WDR27: variants seen among roughly 807,000 people sequenced by gnomAD.
WDR27 encodes WD repeat-containing protein 27.
In WDR27, 100 loss-of-function variants were observed where a neutral mutation model predicts 114.4. The ratio of observed to expected loss-of-function variants is 0.87; its 90% CI spans 0.74 to 1.03. WDR27 has a LOEUF of 1.03. WDR27 is among the 50% of genes least tolerant of loss of function. The pLI is 0.00. For missense variants in WDR27, 1,129 were observed against 1,092.9 expected (o/e 1.03, Z -0.47); for synonymous variants, 449 against 423.1 (o/e 1.06, Z -0.75).
intron 25 of WDR27, among the ~76,000 whole-genome samples, chr6:169,498,426 G>A (rs1202648188): frequency 6.6e-6 from 1 of 152,128 alleles, no homozygotes; most frequent in Admixed American, 6.6e-5. Context: ...CTTAAAAATG[G>A]TTAGGTTGGC....
intron 25 of WDR27, among the ~76,000 whole-genome samples, chr6:169,474,685 A>G (rs890732233): frequency 6.6e-6 from 1 of 152,200 alleles, no homozygotes; most frequent in Non-Finnish European, 1.5e-5. Flanking sequence ...AATTAAAAAA[A>G]AACAGTGAGA....
At chr6:169,665,406 C>G (rs903852713) in intron 7 of WDR27, 80 bp downstream of exon 7, 1 of 1,528,720 alleles carries the variant, frequency 6.5e-7, no homozygotes. Flanking sequence ...TACAAAGTAG[C>G]ATGAAGACAA....
At chr6:169,609,403 T>C (rs1184753340) in intron 22 of WDR27, among the ~76,000 whole-genome samples, 1 of 152,210 alleles carries the variant, frequency 6.6e-6, no homozygotes, top group Non-Finnish European at 1.5e-5. Flanking sequence ...ATACATCTCC[T>C]GAAATCTAGG....
At chr6:169,618,627 C>A (rs374333284) in intron 21 of WDR27, among the ~76,000 whole-genome samples, 2,094 of 91,986 alleles carry the variant, frequency 0.023, no homozygotes, top group Middle Eastern at 0.061. Flanking sequence ...TGGATGACTG[C>A]AAAAAAAAAA....
intron 3 of WDR27, 119 bp from the exon 4 acceptor site, chr6:169,670,812 G>A: frequency 7.5e-7 from 1 of 1,327,974 alleles, no homozygotes; most frequent in Non-Finnish European, 1.0e-6. Flanking sequence ...ATGACAATGA[G>A]CTTTGATGTG....
At chr6:169,685,264 C>CA (rs1198141840) in intron 2 of WDR27, among the ~76,000 whole-genome samples, 3 of 137,052 alleles carry the variant, frequency 2.2e-5, no homozygotes, top group African/African-American at 8.8e-5. Flanking sequence ...CCATGAAAAT[C>CA]AAAGAAAAAA....
At chr6:169,471,370 AG>A (rs1481861752) in intron 25 of WDR27, among the ~76,000 whole-genome samples, 1 of 152,140 alleles carries the variant, frequency 6.6e-6, no homozygotes, top group Non-Finnish European at 1.5e-5. Flanking sequence ...GAATTGGGAA[AG>A]CTTCGTTTCA....
chr6:169,616,788 T>G (rs1220601242), intron 21 of WDR27, among the ~76,000 whole-genome samples: 1 of 151,770 alleles, frequency 6.6e-6, no homozygotes, highest in Non-Finnish European at 1.5e-5. Context: ...ATATGGAGAG[T>G]GCATGCTCTG....
chr6:169,607,421 CACATATAAT>C (rs111861809), intron 22 of WDR27, among the ~76,000 whole-genome samples: 1,127 of 42,260 alleles, frequency 0.027, 6 homozygotes, highest in South Asian at 0.049. Flanking sequence ...CACACACACA[CACATATAAT>C]ATAATATTAT....
intron 25 of WDR27, among the ~76,000 whole-genome samples, chr6:169,478,399 G>A (rs570676244): frequency 5.3e-4 from 81 of 152,144 alleles, no homozygotes; most frequent in Admixed American, 9.8e-4. Flanking sequence ...AATAAAATAC[G>A]ATTTTTGCAT....
intron 1 of WDR27, chr6:169,689,290 C>T (rs1447561742): frequency 1.9e-5 from 5 of 266,370 alleles, no homozygotes; most frequent in Non-Finnish European, 3.6e-5. Flanking sequence ...GCTTAGGCTT[C>T]CTCGATCAGC....
In WDR27 at chr6:169,701,842, G is replaced by C. The variant is rs1023118935; in HGVS notation, c.-299C>G. 27 of 315,800 alleles carry C rather than the reference G, an allele frequency of 8.5e-5. No individual in the cohort carries two copies. Among genetic ancestry groups the C allele is most frequent in the African/African-American group, 5.6e-4 (24 of 43,192 alleles). 19.6% of individuals were successfully genotyped at this position (315,800 alleles called of 1,614,324 possible). On this transcript the variant is annotated 5_prime_UTR_variant, in exon 1 of 26. Coordinates refer to ENST00000448612, the MANE Select transcript of WDR27 (RefSeq NM_182552.5). ...CGCAGCCCCCGCGCTCCAGCCCTGC[G>C]CCCTAGGCACACGCCCCAGAGCAGC...
chr6:169,429,644 A>G, the WDR27 span, among the ~76,000 whole-genome samples: 3 of 152,162 alleles, frequency 2.0e-5, no homozygotes, highest in East Asian at 5.8e-4. Flanking sequence ...CCGCTTTGCT[A>G]AAGCACAAAC....
intron 25 of WDR27, among the ~76,000 whole-genome samples, chr6:169,552,004 G>A (rs1441846418): frequency 2.0e-5 from 3 of 152,084 alleles, no homozygotes; most frequent in South Asian, 2.1e-4. Context: ...ATACCCTCCC[G>A]TGGGTTCCGT....
intron 25 of WDR27, among the ~76,000 whole-genome samples, chr6:169,562,861 G>A (rs1020454137): frequency 7.2e-5 from 11 of 152,130 alleles, no homozygotes; most frequent in African/African-American, 2.4e-4. Context: ...AGGGCTCCAC[G>A]GCTCCTGCTC....
chr6:169,639,533 G>A (rs934080199), intron 17 of WDR27, among the ~76,000 whole-genome samples: 13 of 152,066 alleles, frequency 8.5e-5, no homozygotes, highest in Non-Finnish European at 1.3e-4. Context: ...TGACAGATTT[G>A]AAAAGTTTTG....
intron 23 of WDR27, among the ~76,000 whole-genome samples, chr6:169,583,729 T>G (rs1804015794): frequency 2.8e-5 from 2 of 70,876 alleles, no homozygotes; most frequent in South Asian, 7.2e-4. Flanking sequence ...AGGAGGAAGG[T>G]GTCAAAGACA....
chr6:169,626,850 C>A (rs938208628), intron 21 of WDR27, among the ~76,000 whole-genome samples: 5 of 152,214 alleles, frequency 3.3e-5, no homozygotes, highest in Non-Finnish European at 5.9e-5. Flanking sequence ...AGAAGTCTCC[C>A]GGCGGACTGG....
intron 25 of WDR27, among the ~76,000 whole-genome samples, chr6:169,556,879 CCTCAAG>C (rs568646498): frequency 1.3e-3 from 192 of 152,278 alleles, no homozygotes; most frequent in African/African-American, 3.5e-3. Context: ...TCCGCAACCA[CCTCAAG>C]GCTAAAATTA....
Sources: allele counts gnomAD v4.1 joint callset (sites outside exome capture counted in the v4.1 genomes callset), GRCh38; gene constraint gnomAD v4.1.1; transcripts MANE v1.5; gene names NCBI Gene and HGNC (gene_info 2026-07-23, HGNC 2026-07-21).